RPS6KA2: variants seen among roughly 807,000 people sequenced by gnomAD.
RPS6KA2 encodes ribosomal protein S6 kinase A2, also known as ribosomal protein S6 kinase alpha-2.
Under a neutral mutation model 91.8 loss-of-function variants are expected in RPS6KA2, and 42 were observed. The observed-to-expected ratio is 0.46, with a 90% confidence interval of 0.36 to 0.59. RPS6KA2 has a LOEUF of 0.59. Ranked by LOEUF, RPS6KA2 falls within the 20% of genes least tolerant of loss-of-function variation. The pLI is 0.00. For synonymous variants in RPS6KA2, 414 were observed against 393.6 expected, an observed-to-expected ratio of 1.05 and a Z score of -0.61; for missense variants, 798 against 978.5, an observed-to-expected ratio of 0.82 and a Z score of 2.46.
chr6:166,803,832 T>C (rs1295392594), intron 2 of RPS6KA2, among the ~76,000 whole-genome samples: 1 of 152,214 alleles, frequency 6.6e-6, no homozygotes, highest in Non-Finnish European at 1.5e-5. Context: ...TCTAAGCCAT[T>C]TTTTTCATTC....
At chr6:166,627,700 G>C (rs1010314080), upstream of RPS6KA2, 1 of 152,216 alleles carries the variant, frequency 6.6e-6, no homozygotes, top group African/African-American at 2.4e-5. Flanking sequence ...CCGGAGCCGC[G>C]CAGTCGCGGG....
chr6:166,830,402 T>C (rs1467785387), intron 2 of RPS6KA2, among the ~76,000 whole-genome samples: 3 of 152,164 alleles, frequency 2.0e-5, no homozygotes, highest in Non-Finnish European at 2.9e-5. Context: ...AGAGTTTCAG[T>C]GTTGCAAAAT....
At chr6:166,477,993 G>T (rs927442646) in intron 10 of RPS6KA2, among the ~76,000 whole-genome samples, 1 of 152,238 alleles carries the variant, frequency 6.6e-6, no homozygotes. Context: ...TGGCTCTCAT[G>T]TACGTTTGGA....
intron 2 of RPS6KA2, among the ~76,000 whole-genome samples, chr6:166,828,691 G>A (rs571801998): frequency 1.3e-3 from 203 of 152,262 alleles, no homozygotes; most frequent in African/African-American, 4.8e-3. Flanking sequence ...ATAGATGAAA[G>A]ACCTAAATGT....
intron 12 of RPS6KA2, 62 bp from the exon 13 acceptor site, chr6:166,451,295 A>AT: frequency 6.3e-7 from 1 of 1,589,876 alleles, no homozygotes; most frequent in Non-Finnish European, 8.6e-7. Flanking sequence ...GGGTGAAGTG[A>AT]TAGTGTGTGT....
chr6:166,617,767 T>C (rs1362963376), intron 1 of RPS6KA2, among the ~76,000 whole-genome samples: 2 of 152,304 alleles, frequency 1.3e-5, no homozygotes, highest in South Asian at 4.1e-4. Flanking sequence ...AAGCTGCGAA[T>C]TACATGGAGA....
At chr6:166,486,865 T>TG (rs1467099140) in intron 10 of RPS6KA2, among the ~76,000 whole-genome samples, 22 of 51,550 alleles carry the variant, frequency 4.3e-4, no homozygotes, top group Non-Finnish European at 2.4e-4. Context: ...CATCACGGGG[T>TG]GGGGGTGGGG....
chr6:166,443,773 T>A (rs1779593969), intron 14 of RPS6KA2, among the ~76,000 whole-genome samples: 1 of 152,216 alleles, frequency 6.6e-6, no homozygotes, highest in Admixed American at 6.5e-5. Flanking sequence ...GTATAATAAA[T>A]CTGTGTATAT....
intron 2 of RPS6KA2, among the ~76,000 whole-genome samples, chr6:166,641,844 G>A (rs929417156): frequency 6.8e-6 from 1 of 146,406 alleles, no homozygotes; most frequent in African/African-American, 2.5e-5. Context: ...GATGATAATT[G>A]AGAGAAAGAC....
At chr6:166,605,214 T>C (rs1282618097) in intron 1 of RPS6KA2, among the ~76,000 whole-genome samples, 1 of 152,234 alleles carries the variant, frequency 6.6e-6, no homozygotes, top group Non-Finnish European at 1.5e-5. Context: ...ATGTTCATTT[T>C]ATCAACGACA....
chr6:166,455,741 C>T (rs1780083466), intron 12 of RPS6KA2, among the ~76,000 whole-genome samples: 5 of 152,238 alleles, frequency 3.3e-5, no homozygotes, highest in Admixed American at 2.6e-4. Context: ...CTGCTACACC[C>T]GGTTTGCTCT....
intron 1 of RPS6KA2, chr6:166,586,205 G>C: frequency 6.3e-7 from 1 of 1,588,242 alleles, no homozygotes; most frequent in Non-Finnish European, 8.5e-7. Flanking sequence ...TGTGTTGCGG[G>C]TAGTTGTTAC....
At chr6:166,730,178 G>A (rs1233743136) in intron 2 of RPS6KA2, among the ~76,000 whole-genome samples, 1 of 152,168 alleles carries the variant, frequency 6.6e-6, no homozygotes, top group Non-Finnish European at 1.5e-5. Context: ...ACAGTGACTT[G>A]TGATTCTGTC....
At chr6:166,725,438 G>A (rs1486007336) in intron 2 of RPS6KA2, among the ~76,000 whole-genome samples, 1 of 152,180 alleles carries the variant, frequency 6.6e-6, no homozygotes, top group Non-Finnish European at 1.5e-5. Flanking sequence ...GGTGCCTCTG[G>A]TCGCCACCCC....
intron 2 of RPS6KA2, among the ~76,000 whole-genome samples, chr6:166,752,266 G>A (rs1201664704): frequency 1.3e-5 from 2 of 152,232 alleles, no homozygotes; most frequent in African/African-American, 2.4e-5. Context: ...ATCACACAGA[G>A]TGAACAGCCT....
At chr6:166,506,735 T>C (rs937338828) in intron 5 of RPS6KA2, among the ~76,000 whole-genome samples, 7 of 152,016 alleles carry the variant, frequency 4.6e-5, no homozygotes, top group Non-Finnish European at 7.4e-5. Flanking sequence ...TACTGTTCAT[T>C]TGGGGCTTTG....
intron 11 of RPS6KA2, among the ~76,000 whole-genome samples, chr6:166,467,611 C>G (rs995708266): frequency 6.6e-6 from 1 of 152,062 alleles, no homozygotes; most frequent in Non-Finnish European, 1.5e-5. Flanking sequence ...CCAGCTGGAG[C>G]CAGTGCTTGG....
At chr6:166,537,285 T>C (rs749867043) in intron 2 of RPS6KA2, among the ~76,000 whole-genome samples, 11 of 152,396 alleles carry the variant, frequency 7.2e-5, no homozygotes, top group Non-Finnish European at 1.3e-4. Flanking sequence ...TTTCAAATCA[T>C]GGAGAAAATT....
intron 2 of RPS6KA2, chr6:166,702,651 C>A: frequency 6.4e-7 from 1 of 1,572,076 alleles, no homozygotes. Flanking sequence ...GTTTCCCGTG[C>A]AGTTCTATTT....
Sources: gnomAD v4.1 joint callset for allele counts (sites outside exome capture counted in the v4.1 genomes callset) on GRCh38, gnomAD v4.1.1 for gene constraint, MANE v1.5 for transcripts, NCBI Gene and HGNC (gene_info 2026-07-23, HGNC 2026-07-21) for gene names.